CNTN5: variants seen among roughly 807,000 people sequenced by gnomAD.
CNTN5 encodes contactin 5.
A neutral mutation model predicts 129.1 loss-of-function variants in CNTN5; 77 were observed. The observed-to-expected ratio is 0.60, with a 90% confidence interval of 0.50 to 0.72. The LOEUF (loss-of-function observed/expected upper bound fraction) is 0.72, where lower values mean the gene tolerates loss of function less well. Ranked by LOEUF, CNTN5 falls within the 30% of genes least tolerant of loss-of-function variation. The pLI, the probability that CNTN5 is intolerant of heterozygous loss-of-function variation, is 0.00. For missense variants in CNTN5, 1,478 were observed against 1,328.8 expected (o/e 1.11, Z -1.75); for synonymous variants, 509 against 465.6 (o/e 1.09, Z -1.20).
At chr11:99,907,072 C>A (rs1351213683) in intron 6 of CNTN5, among the ~76,000 whole-genome samples, 1 of 151,970 alleles carries the variant, frequency 6.6e-6, no homozygotes, top group African/African-American at 2.4e-5. Context: ...AAAAAAACAG[C>A]TCCTAGATTC....
At chr11:99,765,692 G>T (rs563977135) in intron 3 of CNTN5, among the ~76,000 whole-genome samples, 1 of 151,068 alleles carries the variant, frequency 6.6e-6, no homozygotes, top group East Asian at 1.9e-4. Context: ...AATTTTTAAT[G>T]TCAAAGACAA....
intron 2 of CNTN5, among the ~76,000 whole-genome samples, chr11:99,516,079 A>G (rs1158774458): frequency 6.6e-6 from 1 of 151,962 alleles, no homozygotes; most frequent in Non-Finnish European, 1.5e-5. Context: ...GAATTGATCA[A>G]TTGCTCGGCT....
chr11:99,943,027 T>C (rs150120442), intron 7 of CNTN5, among the ~76,000 whole-genome samples: 162 of 152,290 alleles, frequency 1.1e-3, no homozygotes, highest in African/African-American at 3.7e-3. Flanking sequence ...CATGTGTCTT[T>C]ATAGTAGAAT....
chr11:100,144,213 T>C (rs1023682899), intron 13 of CNTN5, among the ~76,000 whole-genome samples: 2 of 149,526 alleles, frequency 1.3e-5, no homozygotes, highest in African/African-American at 5.1e-5. Flanking sequence ...TTAAACAAGT[T>C]TTTTTATTTT....
chr11:99,223,983 C>T (rs776342097), intron 1 of CNTN5, among the ~76,000 whole-genome samples: 1 of 152,030 alleles, frequency 6.6e-6, no homozygotes, highest in Non-Finnish European at 1.5e-5. Context: ...GTTTCTTCTC[C>T]GCATACACTC....
intron 20 of CNTN5, among the ~76,000 whole-genome samples, chr11:100,303,046 C>A (rs1258615090): frequency 1.3e-5 from 2 of 151,502 alleles, no homozygotes; most frequent in African/African-American, 4.8e-5. Context: ...GCCTTTGAAA[C>A]CTTTCAATGT....
At chr11:99,533,010 G>T (rs1423678470) in intron 2 of CNTN5, among the ~76,000 whole-genome samples, 1 of 152,128 alleles carries the variant, frequency 6.6e-6, no homozygotes, top group Non-Finnish European at 1.5e-5. Flanking sequence ...ATCACTTGAG[G>T]CCAGGAGTTC....
chr11:100,303,670 A>C (rs984478434), intron 20 of CNTN5, among the ~76,000 whole-genome samples: 1 of 151,638 alleles, frequency 6.6e-6, no homozygotes, highest in Non-Finnish European at 1.5e-5. Context: ...GCCTGTCCTC[A>C]TTTGCAGAAT....
At chr11:99,578,335 T>A (rs1591306282) in intron 3 of CNTN5, among the ~76,000 whole-genome samples, 1 of 151,338 alleles carries the variant, frequency 6.6e-6, no homozygotes, top group Admixed American at 6.6e-5. Flanking sequence ...ATCCTTTGGG[T>A]ATATACCCAG....
intron 1 of CNTN5, among the ~76,000 whole-genome samples, chr11:99,087,910 C>T (rs184811838): frequency 8.9e-4 from 136 of 152,288 alleles, no homozygotes; most frequent in Middle Eastern, 3.4e-3. Context: ...GCCACAGAGT[C>T]CCATGGTCAG....
intron 7 of CNTN5, among the ~76,000 whole-genome samples, chr11:99,954,552 C>A (rs185504169): frequency 1.3e-5 from 2 of 152,210 alleles, no homozygotes; most frequent in African/African-American, 4.8e-5. Flanking sequence ...CCACAGCTAA[C>A]CATACTATTT....
chr11:99,998,003 C>T (rs775749537), intron 8 of CNTN5, among the ~76,000 whole-genome samples: 2 of 152,098 alleles, frequency 1.3e-5, no homozygotes, highest in African/African-American at 2.4e-5. Context: ...TGGGACGTAT[C>T]TCAAAATGAT....
chr11:99,046,497 G>T (rs1462956544), intron 1 of CNTN5, among the ~76,000 whole-genome samples: 1 of 152,044 alleles, frequency 6.6e-6, no homozygotes, highest in Non-Finnish European at 1.5e-5. Flanking sequence ...AGTATTTATA[G>T]ATTTTGTTAC....
At chr11:99,160,846 A>G (rs1044284944) in intron 1 of CNTN5, among the ~76,000 whole-genome samples, 4 of 152,226 alleles carry the variant, frequency 2.6e-5, no homozygotes, top group Admixed American at 6.5e-5. Context: ...TAAATGGCAG[A>G]AAGAGATACA....
intron 1 of CNTN5, among the ~76,000 whole-genome samples, chr11:99,135,532 G>C (rs1016973826): frequency 6.6e-6 from 1 of 152,104 alleles, no homozygotes; most frequent in Non-Finnish European, 1.5e-5. Flanking sequence ...TGGAAAGGTA[G>C]GATGTGGAAA....
intron 6 of CNTN5, among the ~76,000 whole-genome samples, chr11:99,871,350 T>C (rs895841022): frequency 2.0e-5 from 3 of 152,112 alleles, no homozygotes; most frequent in African/African-American, 7.2e-5. Context: ...CTGGTTAATA[T>C]AATCATTATT....
chr11:100,151,677 T>C (rs1433965712), intron 13 of CNTN5, among the ~76,000 whole-genome samples: 1 of 152,208 alleles, frequency 6.6e-6, no homozygotes, highest in Admixed American at 6.5e-5. Context: ...GCTCTACCTA[T>C]TTCCCAGATT....
At chr11:99,622,851 C>A (rs1950998478) in intron 3 of CNTN5, among the ~76,000 whole-genome samples, 1 of 130,982 alleles carries the variant, frequency 7.6e-6, no homozygotes, top group South Asian at 2.5e-4. Context: ...AAAAAAGTGC[C>A]AAGTGAACCT....
At chr11:99,921,010 T>G (rs1245087485) in intron 7 of CNTN5, among the ~76,000 whole-genome samples, 1 of 152,086 alleles carries the variant, frequency 6.6e-6, no homozygotes, top group Non-Finnish European at 1.5e-5. Context: ...CTCTACTGAA[T>G]GTGAGAAAAC....
Sources: allele counts gnomAD v4.1 joint callset (sites outside exome capture counted in the v4.1 genomes callset), GRCh38; gene constraint gnomAD v4.1.1; transcripts MANE v1.5; gene names NCBI Gene and HGNC (gene_info 2026-07-23, HGNC 2026-07-21).